The following PELI2 variants were observed in gnomAD, a reference collection of about 807,000 sequenced individuals.
The protein encoded by PELI2 is E3 ubiquitin-protein ligase pellino homolog 2.
PELI2 carries 23 observed loss-of-function variants against 42.3 expected under a neutral mutation model. The observed-to-expected ratio is 0.54, with a 90% CI of 0.39 to 0.77. The LOEUF (loss-of-function observed/expected upper bound fraction) is 0.77. PELI2 is among the 30% of genes least tolerant of loss of function. The pLI, the probability that PELI2 is intolerant of heterozygous loss-of-function variation, is 0.00. For synonymous variants in PELI2, 245 were observed against 212.2 expected, an observed-to-expected ratio of 1.15 and a Z score of -1.34; for missense variants, 463 against 553.2, an observed-to-expected ratio of 0.84 and a Z score of 1.64.
chr14:56,255,040 A>T (rs1324072276), intron 2 of PELI2, among the ~76,000 whole-genome samples: 1 of 152,178 alleles, frequency 6.6e-6, no homozygotes, highest in Non-Finnish European at 1.5e-5. Flanking sequence ...TGTTGGTGGG[A>T]GTGTAAATTA....
At position 56,120,228 on chromosome 14, in the gene PELI2, C is replaced by T. The variant is rs557492638; in HGVS notation, c.77+1491C>T. ...CAGTTTAGTCTGTCTTATGTAACTT[C>T]AGCCCAACCTAATCTTGTGGAGTTT... is the stretch of plus-strand genomic sequence containing the variant. On this transcript the variant is annotated intron_variant, in intron 1 of 5. Coordinates refer to ENST00000267460, the MANE Select transcript of PELI2 (RefSeq NM_021255.3). Among the ~76,000 whole-genome samples, 8 of 152,366 alleles carry T rather than the reference C, an allele frequency of 5.3e-5. No individual in the cohort carries two copies. In the East Asian group the frequency reaches 1.2e-3, roughly 22 times the overall value.
intron 2 of PELI2, among the ~76,000 whole-genome samples, chr14:56,250,749 C>G (rs1888316242): frequency 6.6e-6 from 1 of 152,206 alleles, no homozygotes; most frequent in Non-Finnish European, 1.5e-5. Flanking sequence ...GGGTCTGCCT[C>G]TCTCAATCCG....
intron 2 of PELI2, among the ~76,000 whole-genome samples, chr14:56,235,690 G>T (rs192169860): frequency 3.2e-4 from 49 of 152,330 alleles, no homozygotes; most frequent in Non-Finnish European, 6.2e-4. Context: ...TGGCAAATCC[G>T]TATCTTTCAA....
At chr14:56,196,064 C>T (rs1417543493) in intron 2 of PELI2, among the ~76,000 whole-genome samples, 18 of 152,180 alleles carry the variant, frequency 1.2e-4, no homozygotes, top group Admixed American at 1.2e-3. Context: ...ACAATAAGTA[C>T]AGAAATGGTT....
chr14:56,181,084 C>G (rs954223837), intron 2 of PELI2, among the ~76,000 whole-genome samples: 1 of 152,136 alleles, frequency 6.6e-6, no homozygotes, highest in African/African-American at 2.4e-5. Context: ...CCACTTTTCC[C>G]ACTGATATGG....
intron 1 of PELI2, among the ~76,000 whole-genome samples, chr14:56,150,200 G>A (rs1050225733): frequency 1.3e-5 from 2 of 152,232 alleles, no homozygotes; most frequent in Non-Finnish European, 2.9e-5. Context: ...CAAGCACGGC[G>A]TAACTGTCAA....
At chr14:56,221,691 C>T (rs759442807) in intron 2 of PELI2, among the ~76,000 whole-genome samples, 5 of 152,244 alleles carry the variant, frequency 3.3e-5, no homozygotes, top group Non-Finnish European at 5.9e-5. Context: ...CGGAAACCTT[C>T]AGCTGTCTGA....
chr14:56,294,757 G>A (rs1889944275), intron 5 of PELI2, among the ~76,000 whole-genome samples: 1 of 152,108 alleles, frequency 6.6e-6, no homozygotes, highest in Non-Finnish European at 1.5e-5. Context: ...TGCCTTGTAT[G>A]CATTACCACC....
chr14:56,167,472 C>T (rs1202575868), intron 1 of PELI2, among the ~76,000 whole-genome samples: 2 of 152,212 alleles, frequency 1.3e-5, no homozygotes, highest in Non-Finnish European at 2.9e-5. Flanking sequence ...ATGCATTCTT[C>T]AGTACACCAA....
chr14:56,224,882 C>T (rs191932737), intron 2 of PELI2, among the ~76,000 whole-genome samples: 2 of 152,258 alleles, frequency 1.3e-5, no homozygotes, highest in East Asian at 3.9e-4. Context: ...GCCTCAGCTC[C>T]CTTCTCTGGG....
chr14:56,270,119 G>A (rs895390819), intron 2 of PELI2, among the ~76,000 whole-genome samples: 4 of 152,160 alleles, frequency 2.6e-5, no homozygotes, highest in Admixed American at 6.5e-5. Flanking sequence ...AGGGTTTATC[G>A]AATAGCTCAG....
At chr14:56,217,976 C>G (rs944303091) in intron 2 of PELI2, among the ~76,000 whole-genome samples, 1 of 152,182 alleles carries the variant, frequency 6.6e-6, no homozygotes, top group Admixed American at 6.5e-5. Flanking sequence ...CACATAGGAC[C>G]TCCTGTAATT....
rs1454197474 is a variant in PELI2, at chr14:56,235,477, G to A, written c.208-44199G>A. On this transcript the variant is annotated intron_variant, in intron 2 of 5. Transcript: ENST00000267460. ...CTTTCATCCTCTCTTCTACGCTAAC[G>A]GGTGGCATCTTTCTTTGTTGCTCAG... is the stretch of plus-strand genomic sequence containing the variant. Among the ~76,000 whole-genome samples the A allele has an allele frequency of 5.3e-5, 8 of 152,300 alleles. No homozygotes were observed. In the East Asian group the frequency reaches 7.7e-4, roughly 15 times the overall value.
chr14:56,161,171 C>G lies in PELI2; in HGVS notation c.78-17164C>G, dbSNP rs949977357. On this transcript the variant is annotated intron_variant, in intron 1 of 5. Transcript: ENST00000267460. ...TAAGACATGCCAGGAAATAGCCCCT[C>G]AAAGACATCAGAGTAGCATCCCAAT... Among the ~76,000 whole-genome samples the G allele has an allele frequency of 6.6e-5, 10 of 152,222 alleles. 1 individual carries two copies. The highest frequency in any genetic ancestry group is 3.9e-4 in the Admixed American group (6 of 15,284).
intron 2 of PELI2, among the ~76,000 whole-genome samples, chr14:56,264,786 A>G (rs189126348): frequency 6.6e-6 from 1 of 152,332 alleles, no homozygotes; most frequent in Admixed American, 6.5e-5. Flanking sequence ...TGATCATTTG[A>G]CAAAAATGTT....
intron 1 of PELI2, among the ~76,000 whole-genome samples, chr14:56,124,958 G>A (rs1280604710): frequency 2.0e-5 from 3 of 152,184 alleles, no homozygotes; most frequent in African/African-American, 7.2e-5. Flanking sequence ...GAAGGGGTTT[G>A]GACTTTACCC....
Position 56,197,023 on chromosome 14 carries a change from T to C in PELI2, c.207+18559T>C. Among the ~76,000 whole-genome samples the C allele has an allele frequency of 6.8e-6, 1 of 147,140 alleles. No homozygotes were observed. The highest frequency in any genetic ancestry group is 2.0e-4 in the East Asian group (1 of 5,054). ...AAGTATTTTATTCTAGGTGTTTAGA[T>C]TTTTCTTGCATTAGAATTTTTTGTT... is the stretch of plus-strand genomic sequence containing the variant. On this transcript the variant is annotated intron_variant, in intron 2 of 5. Transcript: ENST00000267460. This position sits in a 1 kb window ranked among gnomAD's most constrained non-coding sequence, Gnocchi z 4.9.
chr14:56,244,608 C>T (rs1888086521), intron 2 of PELI2, among the ~76,000 whole-genome samples: 2 of 152,152 alleles, frequency 1.3e-5, no homozygotes, highest in South Asian at 4.2e-4. Context: ...TGCTAATGCT[C>T]ATCCTCCCTC....
intron 1 of PELI2, among the ~76,000 whole-genome samples, 195 bp downstream of exon 1, chr14:56,118,932 G>C (rs1026537839): frequency 5.3e-5 from 8 of 150,662 alleles, no homozygotes; most frequent in Non-Finnish European, 1.2e-4. Flanking sequence ...GGGTGCTGCG[G>C]CGGACGCCGG....
Sources: allele counts gnomAD v4.1 joint callset (sites outside exome capture counted in the v4.1 genomes callset), GRCh38; gene constraint gnomAD v4.1.1; non-coding constraint Gnocchi (gnomAD v3.1); transcripts MANE v1.5; gene names NCBI Gene and HGNC (gene_info 2026-07-23, HGNC 2026-07-21).